Variants in ADAM12 observed in about 807,000 individuals in gnomAD.
The protein encoded by ADAM12 is disintegrin and metalloproteinase domain-containing protein 12.
In ADAM12, 70 loss-of-function variants were observed where a neutral mutation model predicts 106.4. That is an observed-to-expected ratio of 0.66 (90% CI 0.54 to 0.80). The LOEUF is 0.80. Ranked by LOEUF, ADAM12 falls within the 30% of genes least tolerant of loss-of-function variation. The probability of loss-of-function intolerance (pLI) is 0.00; values close to 1 mark genes in which losing one functional copy is unlikely to be tolerated. For synonymous variants in ADAM12, 420 were observed against 433.5 expected, an observed-to-expected ratio of 0.97 and a Z score of 0.39; for missense variants, 1,010 against 1,171.9, an observed-to-expected ratio of 0.86 and a Z score of 2.02.
chr10:126,236,567 G>T (rs572058972), intron 3 of ADAM12, among the ~76,000 whole-genome samples: 1 of 152,158 alleles, frequency 6.6e-6, no homozygotes, highest in African/African-American at 2.4e-5. Context: ...CGGCTCTGCG[G>T]GGGGAGCTGA....
chr10:126,344,231 T>C (rs561986240), intron 1 of ADAM12, among the ~76,000 whole-genome samples: 65 of 152,326 alleles, frequency 4.3e-4, no homozygotes, highest in African/African-American at 1.4e-3. Context: ...GTTTCAGCTT[T>C]CTACATATGG....
chr10:126,304,373 A>T (rs1378651833), intron 2 of ADAM12, among the ~76,000 whole-genome samples: 2 of 151,974 alleles, frequency 1.3e-5, no homozygotes, highest in Non-Finnish European at 2.9e-5. Context: ...CAGATGGAAA[A>T]GTAGAAAATA....
At chr10:126,280,447 A>G (rs750363431) in intron 2 of ADAM12, among the ~76,000 whole-genome samples, 2 of 152,228 alleles carry the variant, frequency 1.3e-5, no homozygotes, top group Non-Finnish European at 2.9e-5. Flanking sequence ...GTCATACTGG[A>G]CACATTGCCA....
intron 3 of ADAM12, among the ~76,000 whole-genome samples, chr10:126,193,070 C>T: frequency 6.6e-6 from 1 of 152,036 alleles, no homozygotes; most frequent in Non-Finnish European, 1.5e-5. Flanking sequence ...TCAAGACCAT[C>T]CTGGCTAACA....
rs1010957857 is a variant in ADAM12, at chr10:126,014,186, C to G, written c.*3093G>C. The G allele has an allele frequency of 6.6e-6, 1 of 152,364 alleles. No individual in the cohort carries two copies. The highest frequency in any genetic ancestry group is 6.5e-5 in the Admixed American group (1 of 15,270). The allele number at this position is 152,364 out of a possible 1,614,324, so 9.4% of individuals were successfully genotyped here. ...CTGGGGGTCTCATTGGCTCAGAGTG[C>G]TTAGTAAACATCAGTGGCGAGGGGG... On this transcript the variant is annotated 3_prime_UTR_variant, in exon 23 of 23. Coordinates refer to ENST00000448723, the MANE Select transcript of ADAM12 (RefSeq NM_001288973.2).
chr10:126,252,024 TGGGTG>T (rs1958787789), intron 3 of ADAM12, among the ~76,000 whole-genome samples: 2 of 117,632 alleles, frequency 1.7e-5, no homozygotes, highest in Middle Eastern at 6.2e-3. Context: ...ATGGATGGAT[TGGGTG>T]GGATGGATAG....
In ADAM12 at chr10:126,388,044, G is replaced by T; in HGVS notation, c.88+14C>A. 1 of 1,213,278 alleles carries T rather than the reference G, an allele frequency of 8.2e-7. No individual in the cohort carries two copies. Among genetic ancestry groups the T allele is most frequent in the Non-Finnish European group, 1.0e-6 (1 of 975,330 alleles). 75.2% of individuals were successfully genotyped at this position (1,213,278 alleles called of 1,614,324 possible). On this transcript the variant is annotated intron_variant, in intron 1 of 22. Coordinates refer to ENST00000448723, the MANE Select transcript of ADAM12 (RefSeq NM_001288973.2). The surrounding 1 kb of genome is among the most constrained non-coding windows in gnomAD (Gnocchi z 4.4). ...GCGGGGCGGGCAGCGAGCCGCCCTA[G>T]TTCGGCGACTTACCTCGGGCCTCGC...
chr10:126,290,175 C>T (rs775551347), intron 2 of ADAM12, among the ~76,000 whole-genome samples: 8 of 152,150 alleles, frequency 5.3e-5, no homozygotes, highest in African/African-American at 1.9e-4. Flanking sequence ...AGCTGGGAAC[C>T]GCCCTCAACC....
chr10:126,138,049 T>G (rs1190973115), intron 4 of ADAM12, among the ~76,000 whole-genome samples: 1 of 152,230 alleles, frequency 6.6e-6, no homozygotes, highest in Non-Finnish European at 1.5e-5. Context: ...CCCCACATAT[T>G]CACCAACACT....
intron 3 of ADAM12, among the ~76,000 whole-genome samples, chr10:126,163,308 G>A (rs113748458): frequency 2.3e-3 from 351 of 152,302 alleles, no homozygotes; most frequent in African/African-American, 7.7e-3. Context: ...TGACTCCTAC[G>A]GTTTGGAGAC....
chr10:126,066,702 G>A lies in ADAM12; in HGVS notation c.1413+15C>T, dbSNP rs754035086. 4 of 1,613,546 alleles carry A rather than the reference G, an allele frequency of 2.5e-6. No homozygotes were observed. The highest frequency in any genetic ancestry group is 3.4e-6 in the Non-Finnish European group (4 of 1,179,436). On this transcript the variant is annotated intron_variant, in intron 13 of 22. Transcript: ENST00000448723. This position sits in a 1 kb window ranked among gnomAD's most constrained non-coding sequence, Gnocchi z 5.1. ...TTGGCGACCTGGGGGTCAAGTTGTA[G>A]CTCCGGTGACTCACCTGGCAGTCTT...
intron 3 of ADAM12, among the ~76,000 whole-genome samples, chr10:126,251,132 C>T (rs979645836): frequency 3.9e-5 from 6 of 152,184 alleles, no homozygotes; most frequent in Non-Finnish European, 8.8e-5. Flanking sequence ...GACCAGATGA[C>T]ACAAGGACAG....
intron 5 of ADAM12, among the ~76,000 whole-genome samples, chr10:126,121,181 CACTATATACTA>C (rs1365015338): frequency 3.6e-5 from 1 of 27,644 alleles, no homozygotes; most frequent in African/African-American, 1.8e-4. Context: ...ATACTATATA[CACTATATACTA>C]TATATATACT....
rs570105141 is a variant in ADAM12, at chr10:126,344,033, T to C, written c.89-13524A>G. Among the ~76,000 whole-genome samples the C allele has an allele frequency of 3.7e-3, 567 of 152,314 alleles. 1 individual carries two copies. Among genetic ancestry groups the C allele is most frequent in the Non-Finnish European group, 6.6e-3 (452 of 68,020 alleles). On this transcript the variant is annotated intron_variant, in intron 1 of 22. Coordinates refer to ENST00000448723, the MANE Select transcript of ADAM12 (RefSeq NM_001288973.2). ...AGAAGCTCTTTAGTTTAATTAGATC[T>C]CATTTGTCAATTTTGGCTTTTGTTG...
intron 1 of ADAM12, among the ~76,000 whole-genome samples, chr10:126,367,823 T>C (rs1590832263): frequency 3.3e-5 from 5 of 152,066 alleles, no homozygotes; most frequent in South Asian, 4.1e-4. Flanking sequence ...CAGGCCCAGA[T>C]AGCTACACTG....
intron 3 of ADAM12, among the ~76,000 whole-genome samples, chr10:126,246,612 A>G (rs111902975): frequency 6.6e-6 from 1 of 152,228 alleles, no homozygotes; most frequent in African/African-American, 2.4e-5. Flanking sequence ...TTCATCACAT[A>G]AACAGAACTG....
intron 6 of ADAM12, among the ~76,000 whole-genome samples, chr10:126,117,155 C>T (rs1202348310): frequency 3.3e-5 from 5 of 152,152 alleles, no homozygotes; most frequent in African/African-American, 9.7e-5. Flanking sequence ...AAATTCAGGG[C>T]CTCCAGCCAA....
intron 2 of ADAM12, among the ~76,000 whole-genome samples, chr10:126,295,831 C>T (rs1345501760): frequency 1.3e-5 from 2 of 151,688 alleles, no homozygotes; most frequent in African/African-American, 4.8e-5. Flanking sequence ...AGAAGGCAAG[C>T]CCATCTTTCT....
At chr10:126,254,830 TAA>T (rs1474033394) in intron 3 of ADAM12, among the ~76,000 whole-genome samples, 2 of 152,184 alleles carry the variant, frequency 1.3e-5, no homozygotes, top group Non-Finnish European at 2.9e-5. Context: ...CAATAGGACT[TAA>T]GAGTGTACTG....
Sources: allele counts gnomAD v4.1 joint callset (sites outside exome capture counted in the v4.1 genomes callset), GRCh38; gene constraint gnomAD v4.1.1; non-coding constraint Gnocchi (gnomAD v3.1); transcripts MANE v1.5; gene names NCBI Gene and HGNC (gene_info 2026-07-23, HGNC 2026-07-21).